GPR3: variants seen among roughly 807,000 people sequenced by gnomAD.
GPR3 encodes the protein ACCA orphan receptor.
Under a neutral mutation model 18.2 loss-of-function variants are expected in GPR3, and 16 were observed. The observed-to-expected ratio is 0.88, with a 90% CI of 0.60 to 1.34. The LOEUF is 1.34. Ranked by LOEUF, GPR3 falls within the 40% of genes most tolerant of loss-of-function variation. The pLI, the probability that GPR3 is intolerant of heterozygous loss-of-function variation, is 0.00. For synonymous variants in GPR3, 183 were observed against 188.9 expected, an observed-to-expected ratio of 0.97 and a Z score of 0.26; for missense variants, 326 against 427.6, an observed-to-expected ratio of 0.76 and a Z score of 2.10.
rs762031697 is a variant in GPR3, at chr1:27,394,143, G to C, written c.345G>C (p.Val115=). The C allele has an allele frequency of 1.2e-6, 2 of 1,613,320 alleles. No individual in the cohort carries two copies. The highest frequency in any genetic ancestry group is 2.7e-5 in the African/African-American group (2 of 74,926). ...AGATGAGCCTGGTGCTGGTTGGCGT[G>C]CTGGCAATGGCCTTTACCGCCAGCA... is the stretch of plus-strand genomic sequence containing the variant. ...SAEMSLVLVG[V]LAMAFTASIG... The change falls in exon 2 of 2, where the codon GTG becomes GTC. Residue 115 remains valine (V), a synonymous_variant. Transcript: ENST00000374024.
chr1:27,393,741 C>A, intron 1 of GPR3, 53 bp from the exon 2 acceptor site: 7 of 1,487,748 alleles, frequency 4.7e-6, no homozygotes, highest in South Asian at 1.3e-5. Flanking sequence ...CCTCCAGACC[C>A]CAACTCCCAT....
intron 1 of GPR3, among the ~76,000 whole-genome samples, chr1:27,393,079 G>A (rs1196544484): frequency 2.6e-5 from 4 of 152,146 alleles, no homozygotes; most frequent in African/African-American, 9.7e-5. Flanking sequence ...ATCCAGGCAG[G>A]AGGCAGAGTC....
Position 27,394,290 on chromosome 1 carries a change from C to G in GPR3, c.492C>G (p.Ala164=). The change falls in exon 2 of 2, where the codon GCC becomes GCG. Residue 164 remains alanine, a synonymous_variant. Transcript: ENST00000374024. ...YVMLALVWGG[A]LGLGLLPVLA... The stretch of plus-strand genomic sequence containing the variant: ...TGCTGGCCTTAGTGTGGGGAGGTGC[C>G]CTGGGCCTGGGGCTGCTGCCTGTGC... 1.2e-6 allele frequency: 2 copies of G among 1,613,124 alleles called. No homozygotes were observed. The highest frequency in any genetic ancestry group is 8.5e-7 in the Non-Finnish European group (1 of 1,180,034).
rs2016537048 is a variant in GPR3 at position 27,395,634 on chromosome 1, A to C, written c.*843A>C. ...GGGACCAGAATGCAACCCCAGCTCC[A>C]CTCCAGCCTGGCGTCCAGGGCCACA... On this transcript the variant is annotated 3_prime_UTR_variant, in exon 2 of 2. Coordinates refer to ENST00000374024, the MANE Select transcript of GPR3 (RefSeq NM_005281.4). 1 of 166,302 alleles carries C rather than the reference A, an allele frequency of 6.0e-6. No individual in the cohort carries two copies. The highest frequency in any genetic ancestry group is 6.6e-5 in the Admixed American group (1 of 15,226). The allele number at this position is 166,302 out of a possible 1,614,324, so 10.3% of individuals were successfully genotyped here.
At chr1:27,393,175 A>G (rs1191999058) in intron 1 of GPR3, among the ~76,000 whole-genome samples, 1 of 136,690 alleles carries the variant, frequency 7.3e-6, no homozygotes, top group African/African-American at 2.8e-5. Context: ...CCAGAGACCT[A>G]GAGATTCAGG....
rs370067549 is a variant in GPR3 at position 27,394,753 on chromosome 1, A to G, written c.955A>G (p.Lys319Glu). ...WAVCCCCSSS[K>E]IPFRSRSPSD... ...TGTCTGCTGCTGCTGTTCCTCTTCC[A>G]AGATCCCCTTCCGATCCCGCTCCCC... Residue 319 changes from lysine (K) to glutamate (E), a missense_variant, in exon 2 of 2, where the codon AAG becomes GAG. By Grantham distance (56) the Lys-to-Glu change is moderately conservative. Transcript: ENST00000374024. 12 of 1,613,940 alleles carry G rather than the reference A, an allele frequency of 7.4e-6. No individual in the cohort carries two copies. Among genetic ancestry groups the G allele is most frequent in the Non-Finnish European group, 7.6e-6 (9 of 1,179,996 alleles).
chr1:27,393,605 G>T (rs2016510434), intron 1 of GPR3, among the ~76,000 whole-genome samples, 189 bp from the exon 2 acceptor site: 1 of 152,148 alleles, frequency 6.6e-6, no homozygotes, highest in African/African-American at 2.4e-5. Context: ...AGGCCTGGGG[G>T]CATTGGAGGG....
At position 27,394,194 on chromosome 1, in the gene GPR3, C is replaced by T. The variant is rs529251048; in HGVS notation, c.396C>T (p.Val132=). 8.1e-6 allele frequency: 13 copies of T among 1,613,918 alleles called. No individual in the cohort carries two copies. The highest frequency in any genetic ancestry group is 1.6e-4 in the Middle Eastern group (1 of 6,062). Reference sequence around the variant, plus strand: ...TCGGCAGTCTACTGGCCATCACTGTCGACCGCTACCTTTCTCTGTACAATG... The same window carrying T: ...TCGGCAGTCTACTGGCCATCACTGTTGACCGCTACCTTTCTCTGTACAATG... ...ASIGSLLAIT[V]DRYLSLYNAL... The change falls in exon 2 of 2, where the codon GTC becomes GTT. Residue 132 remains valine (V), a synonymous_variant. Coordinates refer to ENST00000374024, the MANE Select transcript of GPR3 (RefSeq NM_005281.4).
chr1:27,394,032 G>T lies in GPR3; in HGVS notation c.234G>T (p.Leu78=). The T allele has an allele frequency of 6.2e-7, 1 of 1,611,590 alleles. No individual in the cohort carries two copies. Among genetic ancestry groups the T allele is most frequent in the Non-Finnish European group, 8.5e-7 (1 of 1,179,986 alleles). The change falls in exon 2 of 2, where the codon CTG becomes CTT. Residue 78 remains leucine, a synonymous_variant. Transcript: ENST00000374024. ...TPAFRAPMFL[L]VGSLAVADLL... ...CCTTCCGTGCCCCCATGTTCCTGCT[G>T]GTGGGCAGCCTGGCCGTGGCAGACC...
chr1:27,395,774 C>T lies in GPR3; in HGVS notation c.*983C>T, dbSNP rs1268612135. 4 of 167,134 alleles carry T rather than the reference C, an allele frequency of 2.4e-5. No individual in the cohort carries two copies. The highest frequency in any genetic ancestry group is 4.4e-5 in the Non-Finnish European group (3 of 68,154). 10.4% of individuals were successfully genotyped at this position (167,134 alleles called of 1,614,324 possible). A position where few individuals can be genotyped will look rare whatever the true frequency, so the allele number is the denominator to read the frequency against. On this transcript the variant is annotated 3_prime_UTR_variant, in exon 2 of 2. Transcript: ENST00000374024. ...TGGCCCCCAGTGCATTCCCTGTTCC[C>T]GTCTCCAACCCAACTCAATAAAAAA...
chr1:27,394,219 G>A lies in GPR3; in HGVS notation c.421G>A (p.Ala141Thr). 1 of 1,613,758 alleles carries A rather than the reference G, an allele frequency of 6.2e-7. No homozygotes were observed. Among genetic ancestry groups the A allele is most frequent in the Non-Finnish European group, 8.5e-7 (1 of 1,180,026 alleles). Residue 141 changes from alanine (A) to threonine (T), a missense_variant, in exon 2 of 2, where the codon GCC (alanine) becomes ACC (threonine). Physicochemically the swap from Ala to Thr is moderately conservative, Grantham distance 58. Transcript: ENST00000374024. ...CGACCGCTACCTTTCTCTGTACAAT[G>A]CCCTCACCTACTATTCAGAGACAAC... Reference protein sequence around the residue: ...TVDRYLSLYNALTYYSETTVT... With the variant: ...TVDRYLSLYNTLTYYSETTVT...
rs1273093535 is a variant in GPR3 at position 27,394,622 on chromosome 1, C to T, written c.824C>T (p.Pro275Leu). 1.2e-6 allele frequency: 2 copies of T among 1,614,206 alleles called. No individual in the cohort carries two copies. The highest frequency in any genetic ancestry group is 4.5e-5 in the East Asian group (2 of 44,882). Residue 275 changes from proline to leucine, a missense_variant, in exon 2 of 2, where the codon CCA becomes CTA. By Grantham distance (98) the Pro-to-Leu change is moderately conservative. Coordinates refer to ENST00000374024, the MANE Select transcript of GPR3 (RefSeq NM_005281.4). ...VYCLLGDAHS[P>L]PLYTYLTLLP... is the part of the protein sequence containing the mutation. Reference sequence around the variant, plus strand: ...TGCCTGCTGGGTGATGCCCACTCTCCACCTCTCTACACCTATCTTACCTTG... The same window carrying T: ...TGCCTGCTGGGTGATGCCCACTCTCTACCTCTCTACACCTATCTTACCTTG...
Position 27,393,808 on chromosome 1 carries a change from G to A in GPR3, c.10G>A (p.Gly4Ser), listed in dbSNP as rs776312552. Residue 4 changes from glycine (G) to serine (S), a missense_variant, in exon 2 of 2, where the codon GGT (glycine) becomes AGT (serine). Transcript: ENST00000374024. The part of the protein sequence containing the change: MMW[G>S]AGSPLAWLSA... ...TTCTCCTGCAGGTACCATGATGTGG[G>A]GTGCAGGCAGCCCTCTGGCCTGGCT... 7.8e-6 allele frequency: 12 copies of A among 1,536,104 alleles called. No individual in the cohort carries two copies. In the African/African-American group the frequency reaches 1.5e-4, roughly 19 times the overall value.
At position 27,394,063 on chromosome 1, in the gene GPR3, G is replaced by A; in HGVS notation, c.265G>A (p.Ala89Thr). The A allele has an allele frequency of 6.2e-7, 1 of 1,610,698 alleles. No homozygotes were observed. ...VGSLAVADLL[A>T]GLGLVLHFAA... ...CAGCCTGGCCGTGGCAGACCTGCTG[G>A]CAGGCCTGGGCCTGGTCCTGCACTT... Residue 89 changes from alanine (A) to threonine (T), a missense_variant, in exon 2 of 2, where the codon GCA becomes ACA. Physicochemically the swap from Ala to Thr is moderately conservative, Grantham distance 58. Transcript: ENST00000374024.
rs190996063 is a variant in GPR3 at position 27,393,657 on chromosome 1, G to T, written c.-5-137G>T. 2,266 of 739,358 alleles carry T rather than the reference G, an allele frequency of 3.1e-3. 13 individuals are homozygous for T. The highest frequency in any genetic ancestry group is 3.0e-3 in the Non-Finnish European group (1,355 of 445,870). The allele number at this position is 739,358 out of a possible 1,614,324, so 45.8% of individuals were successfully genotyped here. A position where few individuals can be genotyped will look rare whatever the true frequency, so the allele number is the denominator to read the frequency against. ...GAAGAGCCCCAGGGCATGAATGTGG[G>T]GATAAGGCATTGGGACCCTATCAGG... On this transcript the variant is annotated intron_variant, in intron 1 of 1. Transcript: ENST00000374024.
At position 27,394,779 on chromosome 1, in the gene GPR3, C is replaced by T. The variant is rs544122365; in HGVS notation, c.981C>T (p.Pro327=). ...AGATCCCCTTCCGATCCCGCTCCCC[C>T]AGTGATGTCTAGCTGAGTCTTCATG... ...SSKIPFRSRS[P]SDV is the part of the protein sequence containing the mutation. The change falls in exon 2 of 2, where the codon CCC becomes CCT. Residue 327 remains proline, a synonymous_variant. Coordinates refer to ENST00000374024, the MANE Select transcript of GPR3 (RefSeq NM_005281.4). The T allele has an allele frequency of 2.5e-6, 4 of 1,613,606 alleles. No individual in the cohort carries two copies. Among genetic ancestry groups the T allele is most frequent in the Middle Eastern group, 1.7e-4 (1 of 6,060 alleles).
In GPR3 at chr1:27,395,166, A is replaced by T; in HGVS notation, c.*375A>T. ...AAAGAGTCAGAGAGATTAGTCACAT[A>T]GTTGCCTAAATAGGAGAGAGAAAGA... On this transcript the variant is annotated 3_prime_UTR_variant, in exon 2 of 2. Transcript: ENST00000374024. 1 of 253,512 alleles carries T rather than the reference A, an allele frequency of 3.9e-6. No homozygotes were observed. The highest frequency in any genetic ancestry group is 8.1e-6 in the Non-Finnish European group (1 of 122,750). The allele number at this position is 253,512 out of a possible 1,614,324, so 15.7% of individuals were successfully genotyped here. A position where few individuals can be genotyped will look rare whatever the true frequency, so the allele number is the denominator to read the frequency against.
rs140828802 is a variant in GPR3, at chr1:27,394,637, A to G, written c.839A>G (p.Tyr280Cys). The G allele has an allele frequency of 6.2e-7, 1 of 1,613,882 alleles. No individual in the cohort carries two copies. The highest frequency in any genetic ancestry group is 1.3e-5 in the African/African-American group (1 of 74,846). ...GCCCACTCTCCACCTCTCTACACCT[A>G]TCTTACCTTGCTCCCTGCCACCTAC... ...GDAHSPPLYTYLTLLPATYNS... is the reference protein window; with the variant it reads ...GDAHSPPLYTCLTLLPATYNS... Residue 280 changes from tyrosine (Y) to cysteine (C), a missense_variant, in exon 2 of 2, where the codon TAT (tyrosine) becomes TGT (cysteine). Transcript: ENST00000374024.
rs200096116 is a variant in GPR3, at chr1:27,393,922, G to T, written c.124G>T (p.Ala42Ser). ...GPAAPLPSPK[A>S]WDVVLCISGT... Reference sequence around the variant, plus strand: ...AGCCGCACCACTGCCCTCGCCTAAGGCCTGGGATGTGGTGCTCTGCATCTC... The same window carrying T: ...AGCCGCACCACTGCCCTCGCCTAAGTCCTGGGATGTGGTGCTCTGCATCTC... Residue 42 changes from alanine (A) to serine (S), a missense_variant, in exon 2 of 2, where the codon GCC becomes TCC. By Grantham distance (99) the Ala-to-Ser change is moderately conservative. Coordinates refer to ENST00000374024, the MANE Select transcript of GPR3 (RefSeq NM_005281.4). 87 of 1,611,262 alleles carry T rather than the reference G, an allele frequency of 5.4e-5. No homozygotes were observed. In the East Asian group the frequency reaches 1.9e-3, roughly 36 times the overall value.
Sources: gnomAD v4.1 joint callset for allele counts (sites outside exome capture counted in the v4.1 genomes callset) on GRCh38, gnomAD v4.1.1 for gene constraint, MANE v1.5 for transcripts, NCBI Gene and HGNC (gene_info 2026-07-23, HGNC 2026-07-21) for gene names.